The following MGAT4C variants were observed in gnomAD, a reference collection of about 807,000 sequenced individuals.
MGAT4C encodes the protein MGAT4 family member C.
MGAT4C carries 19 observed loss-of-function variants against 40.1 expected under a neutral mutation model. The ratio of observed to expected loss-of-function variants is 0.47; its 90% CI spans 0.33 to 0.70. MGAT4C has a LOEUF of 0.70. Among genes scored for constraint, MGAT4C ranks in the 30% least tolerant of loss-of-function variants. The pLI is 0.02. For missense variants in MGAT4C, 491 were observed against 563.2 expected (o/e 0.87, Z 1.30); for synonymous variants, 181 against 187.1 (o/e 0.97, Z 0.27).
intron 1 of MGAT4C, among the ~76,000 whole-genome samples, chr12:86,734,118 G>T (rs1950950595): frequency 6.6e-6 from 1 of 152,034 alleles, no homozygotes; most frequent in Non-Finnish European, 1.5e-5. Flanking sequence ...AAAATTAAAT[G>T]AAAGTTGAGA....
intron 1 of MGAT4C, among the ~76,000 whole-genome samples, chr12:86,134,048 GA>G (rs1881611364): frequency 6.6e-6 from 1 of 151,854 alleles, no homozygotes; most frequent in Non-Finnish European, 1.5e-5. Context: ...AATTCAAGAA[GA>G]AAAAACAGCA....
intron 1 of MGAT4C, among the ~76,000 whole-genome samples, chr12:86,074,956 C>T (rs937124130): frequency 2.0e-5 from 3 of 152,120 alleles, no homozygotes; most frequent in African/African-American, 4.8e-5. Context: ...GGTGGGGACA[C>T]AGCCAAACCA....
intron 1 of MGAT4C, among the ~76,000 whole-genome samples, chr12:86,148,064 A>G (rs1266719930): frequency 6.6e-6 from 1 of 152,212 alleles, no homozygotes; most frequent in Non-Finnish European, 1.5e-5. Context: ...TACAACATCT[A>G]TATTGAAGCA....
chr12:86,596,180 GATAA>G (rs1189183905), intron 2 of MGAT4C, among the ~76,000 whole-genome samples: 42 of 144,996 alleles, frequency 2.9e-4, no homozygotes, highest in African/African-American at 1.0e-3. Context: ...ATAATTATGA[GATAA>G]ATAAAATCAC....
chr12:86,388,967 A>G (rs150645520), intron 3 of MGAT4C, among the ~76,000 whole-genome samples: 1,708 of 152,208 alleles, frequency 0.011, 19 homozygotes, highest in East Asian at 0.046. Context: ...TACAGGCCTG[A>G]ACCACCACTC....
chr12:86,328,360 C>A (rs1045501543), intron 4 of MGAT4C, among the ~76,000 whole-genome samples: 1 of 151,828 alleles, frequency 6.6e-6, no homozygotes, highest in Non-Finnish European at 1.5e-5. Context: ...AATAAAAATG[C>A]AAATGTTGGA....
In MGAT4C at chr12:85,961,830, C is replaced by A. The variant is rs1002171802; in HGVS notation, c.*17459G>T. The A allele has an allele frequency of 2.0e-5, 3 of 151,820 alleles. No homozygotes were observed. Among genetic ancestry groups the A allele is most frequent in the African/African-American group, 4.8e-5 (2 of 41,420 alleles). The allele number at this position is 151,820 out of a possible 1,614,324, so 9.4% of individuals were successfully genotyped here. A position where few individuals can be genotyped will look rare whatever the true frequency, so the allele number is the denominator to read the frequency against. ...GGCTTGGATTGGCAGCTATTAAATA[C>A]AATTTGAAGCCGTGGGATTTTATTA... On this transcript the variant is annotated 3_prime_UTR_variant, in exon 5 of 5. Transcript: ENST00000611864.
chr12:86,755,409 T>C (rs550317467), intron 1 of MGAT4C, among the ~76,000 whole-genome samples: 1 of 152,262 alleles, frequency 6.6e-6, no homozygotes, highest in African/African-American at 2.4e-5. Context: ...ACTGATAACA[T>C]TAGTAATATA....
chr12:86,511,857 C>G (rs575010427), intron 2 of MGAT4C, among the ~76,000 whole-genome samples: 1 of 152,196 alleles, frequency 6.6e-6, no homozygotes, highest in Non-Finnish European at 1.5e-5. Flanking sequence ...GGATATAACA[C>G]TAACAACATT....
At chr12:86,582,520 G>T (rs1230858919) in intron 2 of MGAT4C, among the ~76,000 whole-genome samples, 1 of 151,382 alleles carries the variant, frequency 6.6e-6, no homozygotes, top group Non-Finnish European at 1.5e-5. Flanking sequence ...ATGGGTAACA[G>T]TTGGAAGGGA....
At chr12:86,550,155 T>A (rs558171151) in intron 2 of MGAT4C, among the ~76,000 whole-genome samples, 1 of 152,274 alleles carries the variant, frequency 6.6e-6, no homozygotes, top group Non-Finnish European at 1.5e-5. Flanking sequence ...AATAGGTACT[T>A]GTTTCTTCTT....
intron 1 of MGAT4C, among the ~76,000 whole-genome samples, chr12:86,749,444 T>C (rs1374208264): frequency 1.3e-5 from 2 of 151,730 alleles, no homozygotes; most frequent in African/African-American, 2.4e-5. Context: ...AAATAGTATG[T>C]CATTGATCTT....
intron 2 of MGAT4C, among the ~76,000 whole-genome samples, chr12:86,466,625 T>C (rs1462803140): frequency 6.6e-6 from 1 of 152,154 alleles, no homozygotes; most frequent in Non-Finnish European, 1.5e-5. Flanking sequence ...ACAGATGTCA[T>C]CAAATATTTG....
At chr12:86,706,483 C>A (rs1390121414) in intron 2 of MGAT4C, among the ~76,000 whole-genome samples, 1 of 152,038 alleles carries the variant, frequency 6.6e-6, no homozygotes, top group African/African-American at 2.4e-5. Context: ...GTTGCAAACT[C>A]CAGGGCTCAA....
chr12:86,280,124 T>G (rs1258908213), intron 4 of MGAT4C, among the ~76,000 whole-genome samples: 1 of 152,092 alleles, frequency 6.6e-6, no homozygotes, highest in Non-Finnish European at 1.5e-5. Flanking sequence ...AAATATTCTG[T>G]AAATATTTAT....
intron 2 of MGAT4C, among the ~76,000 whole-genome samples, chr12:86,719,445 G>T (rs1380995901): frequency 6.6e-6 from 1 of 152,076 alleles, no homozygotes; most frequent in Non-Finnish European, 1.5e-5. Context: ...ACATATAGAA[G>T]AACTGATACA....
intron 1 of MGAT4C, among the ~76,000 whole-genome samples, chr12:86,214,786 T>C (rs543873413): frequency 6.6e-6 from 1 of 152,190 alleles, no homozygotes; most frequent in Non-Finnish European, 1.5e-5. Flanking sequence ...GACAAAAATA[T>C]TTAGTCCATG....
At chr12:86,014,676 G>C (rs976905649) in intron 2 of MGAT4C, among the ~76,000 whole-genome samples, 2 of 152,054 alleles carry the variant, frequency 1.3e-5, no homozygotes, top group Admixed American at 6.6e-5. Context: ...GGCAAGAATT[G>C]GGGGAAGAAA....
At chr12:86,611,494 A>T (rs1477505321) in intron 2 of MGAT4C, among the ~76,000 whole-genome samples, 1 of 151,844 alleles carries the variant, frequency 6.6e-6, no homozygotes, top group Non-Finnish European at 1.5e-5. Context: ...AGATAGATAG[A>T]TAGATACATG....
Sources: allele counts gnomAD v4.1 joint callset (sites outside exome capture counted in the v4.1 genomes callset), GRCh38; gene constraint gnomAD v4.1.1; transcripts MANE v1.5; gene names NCBI Gene and HGNC (gene_info 2026-07-23, HGNC 2026-07-21).